The following RAB31 variants were observed in gnomAD, a reference collection of about 807,000 sequenced individuals.
RAB31 encodes RAB31, member RAS oncogene family, also known as ras-related protein Rab-31.
RAB31 carries 21 observed loss-of-function variants against 25.6 expected under a neutral mutation model. That is an observed-to-expected ratio of 0.82 (90% CI 0.58 to 1.18). The LOEUF is 1.18. Among genes scored for constraint, RAB31 ranks in the 50% most tolerant of loss-of-function variants. The probability of loss-of-function intolerance (pLI) is 0.00; values close to 1 mark genes in which losing one functional copy is unlikely to be tolerated. For missense variants in RAB31, 196 were observed against 250.1 expected (o/e 0.78, Z 1.46); for synonymous variants, 87 against 84.0 (o/e 1.04, Z -0.20).
chr18:9,832,060 A>C (rs2068681143), intron 5 of RAB31, among the ~76,000 whole-genome samples: 1 of 152,052 alleles, frequency 6.6e-6, no homozygotes, highest in Non-Finnish European at 1.5e-5. Flanking sequence ...AGTGCCAGTG[A>C]CTCTGTGGAT....
intron 5 of RAB31, among the ~76,000 whole-genome samples, chr18:9,842,956 T>A (rs1158975467): frequency 6.6e-6 from 1 of 152,246 alleles, no homozygotes; most frequent in Admixed American, 6.5e-5. Flanking sequence ...GGAATTAGCC[T>A]CTTGGCCATG....
intron 1 of RAB31, among the ~76,000 whole-genome samples, chr18:9,748,867 G>A (rs974775672): frequency 5.9e-5 from 9 of 151,676 alleles, no homozygotes; most frequent in African/African-American, 2.2e-4. Flanking sequence ...CTCCAGCCTG[G>A]GCGACAGAGC....
chr18:9,838,431 C>T (rs4798870), intron 5 of RAB31, among the ~76,000 whole-genome samples: 24,288 of 152,116 alleles, frequency 0.16, 2,842 homozygotes, highest in East Asian at 0.56. Context: ...AGTAAACCTC[C>T]GTAGGGAAAA....
At position 9,708,445 on chromosome 18, in the gene RAB31, G is replaced by A. The variant is rs947110122; in HGVS notation, c.39+1G>A. 1.3e-6 allele frequency: 2 copies of A among 1,568,622 alleles called. No individual in the cohort carries two copies. The highest frequency in any genetic ancestry group is 2.6e-5 in the East Asian group (1 of 38,954). On this transcript the variant is annotated splice_donor_variant, in intron 1 of 6. Coordinates refer to ENST00000578921, the MANE Select transcript of RAB31 (RefSeq NM_006868.4). LOFTEE classifies it high-confidence loss of function. The surrounding 1 kb of genome is among the most constrained non-coding windows in gnomAD (Gnocchi z 6.4). Reference sequence around the variant, plus strand: ...GGAGCTCAAAGTGTGCCTTCTCGGGGTGAGTCCTGGCCGCCACCCGCCGGC... The same window carrying A: ...GGAGCTCAAAGTGTGCCTTCTCGGGATGAGTCCTGGCCGCCACCCGCCGGC...
At chr18:9,825,586 A>C (rs2068645906) in intron 5 of RAB31, among the ~76,000 whole-genome samples, 1 of 152,216 alleles carries the variant, frequency 6.6e-6, no homozygotes, top group South Asian at 2.1e-4. Context: ...TGTGCATTTT[A>C]AAAAGTGATC....
chr18:9,829,242 G>T (rs1016920940), intron 5 of RAB31, among the ~76,000 whole-genome samples: 3 of 151,904 alleles, frequency 2.0e-5, no homozygotes, highest in African/African-American at 7.3e-5. Flanking sequence ...ACTTGTTTTC[G>T]TTATGCTTTA....
intron 1 of RAB31, among the ~76,000 whole-genome samples, chr18:9,740,942 C>T (rs771244105): frequency 6.6e-6 from 1 of 152,104 alleles, no homozygotes; most frequent in Non-Finnish European, 1.5e-5. Context: ...CAATGCCTTC[C>T]TTGCTTGTAG....
At chr18:9,774,529 C>A (rs558874040) in intron 1 of RAB31, among the ~76,000 whole-genome samples, 22 of 152,292 alleles carry the variant, frequency 1.4e-4, no homozygotes, top group Non-Finnish European at 2.5e-4. Flanking sequence ...TCTCAGGGAC[C>A]GCTTGTCCTC....
intron 1 of RAB31, among the ~76,000 whole-genome samples, chr18:9,739,855 G>A (rs887634280): frequency 2.0e-5 from 3 of 152,206 alleles, no homozygotes; most frequent in African/African-American, 7.2e-5. Context: ...GTAACCAGGG[G>A]CCCAGCTAAA....
chr18:9,853,317 G>A lies in RAB31; in HGVS notation c.491-5911G>A, dbSNP rs766172998. On this transcript the variant is annotated intron_variant, in intron 6 of 6. Coordinates refer to ENST00000578921, the MANE Select transcript of RAB31 (RefSeq NM_006868.4). ...AAATGTTAAAATAAAAAAAATTAAAGGGATACATCCATATAATGGAATATT... is the reference window on the plus strand; with the variant it reads ...AAATGTTAAAATAAAAAAAATTAAAAGGATACATCCATATAATGGAATATT... 1.1e-4 allele frequency among the ~76,000 whole-genome samples: 16 copies of A among 152,076 alleles called. No homozygotes were observed. The Middle Eastern group carries it at 0.01, about 97-fold the overall frequency.
At chr18:9,848,945 ACC>A (rs1387419403) in intron 6 of RAB31, among the ~76,000 whole-genome samples, 1 of 152,168 alleles carries the variant, frequency 6.6e-6, no homozygotes, top group East Asian at 1.9e-4. Flanking sequence ...GACTGAAGCT[ACC>A]CTGTAAAGGA....
At chr18:9,853,924 T>C (rs977436895) in intron 6 of RAB31, among the ~76,000 whole-genome samples, 3 of 151,370 alleles carry the variant, frequency 2.0e-5, no homozygotes, top group African/African-American at 7.3e-5. Context: ...AGCCTAATGA[T>C]TTTTTTTAAG....
chr18:9,727,848 A>G (rs2068103018), intron 1 of RAB31, among the ~76,000 whole-genome samples: 1 of 152,222 alleles, frequency 6.6e-6, no homozygotes, highest in African/African-American at 2.4e-5. Flanking sequence ...TGATGTTTTG[A>G]TTGTATACAT....
intron 1 of RAB31, among the ~76,000 whole-genome samples, chr18:9,725,252 T>C (rs2068091651): frequency 6.6e-6 from 1 of 152,228 alleles, no homozygotes; most frequent in Non-Finnish European, 1.5e-5. Flanking sequence ...AATGCTTTGC[T>C]TCAGCCCAGA....
chr18:9,728,692 C>T (rs1472765708), intron 1 of RAB31, among the ~76,000 whole-genome samples: 1 of 152,016 alleles, frequency 6.6e-6, no homozygotes, highest in Non-Finnish European at 1.5e-5. Flanking sequence ...TGTTTGCCAC[C>T]ACACCTGGCT....
chr18:9,793,337 C>T (rs866275239), intron 3 of RAB31, among the ~76,000 whole-genome samples: 41 of 152,070 alleles, frequency 2.7e-4, no homozygotes, highest in East Asian at 7.7e-4. Flanking sequence ...CTTGGCCTCC[C>T]GAAGTGCTGG....
intron 1 of RAB31, among the ~76,000 whole-genome samples, chr18:9,763,040 A>G (rs929822005): frequency 1.3e-5 from 2 of 152,208 alleles, no homozygotes; most frequent in Non-Finnish European, 2.9e-5. Flanking sequence ...AAATTTAACA[A>G]TAGCAGAAAG....
intron 3 of RAB31, among the ~76,000 whole-genome samples, chr18:9,808,418 C>T (rs866006519): frequency 6.6e-6 from 1 of 152,154 alleles, no homozygotes; most frequent in Non-Finnish European, 1.5e-5. Flanking sequence ...TGCATACACT[C>T]GGGTTTTAGG....
At chr18:9,728,588 A>C (rs1568163627) in intron 1 of RAB31, among the ~76,000 whole-genome samples, 1 of 152,122 alleles carries the variant, frequency 6.6e-6, no homozygotes, top group Non-Finnish European at 1.5e-5. Context: ...CCTAGGCAGG[A>C]GTGCAGTGGT....
Sources: gnomAD v4.1 joint callset for allele counts (sites outside exome capture counted in the v4.1 genomes callset) on GRCh38, gnomAD v4.1.1 for gene constraint, Gnocchi (gnomAD v3.1) non-coding constraint, MANE v1.5 for transcripts, NCBI Gene and HGNC (gene_info 2026-07-23, HGNC 2026-07-21) for gene names.